The following DNAJC13 variants were observed in gnomAD, a reference collection of about 807,000 sequenced individuals.
DNAJC13 encodes dnaJ homolog subfamily C member 13.
In DNAJC13, 75 loss-of-function variants were observed where a neutral mutation model predicts 290.5. The ratio of observed to expected loss-of-function variants is 0.26; its 90% CI spans 0.21 to 0.31. The LOEUF (loss-of-function observed/expected upper bound fraction) is 0.31, where lower values mean the gene tolerates loss of function less well. DNAJC13 is among the 10% of genes least tolerant of loss of function. DNAJC13 has a pLI of 1.00. For synonymous variants in DNAJC13, 862 were observed against 892.0 expected (o/e 0.97, Z 0.60); for missense variants, 2,260 against 2,674.5 (o/e 0.85, Z 3.42).
At chr3:132,447,286 A>G (rs763561580) in intron 3 of DNAJC13, 35 bp from the exon 4 acceptor site, 3 of 1,484,688 alleles carry the variant, frequency 2.0e-6, no homozygotes, top group Middle Eastern at 1.8e-4. Context: ...TTACTGTATT[A>G]TAGTAGCACC....
At chr3:132,427,207 C>G (rs1939122412) in intron 1 of DNAJC13, among the ~76,000 whole-genome samples, 1 of 150,900 alleles carries the variant, frequency 6.6e-6, no homozygotes. Flanking sequence ...TGAGGGCTCG[C>G]TCACTGCAGC....
rs746826770 is a variant in DNAJC13 at position 132,467,391 on chromosome 3, A to G, written c.2208+78A>G. The G allele has an allele frequency of 2.9e-4, 414 of 1,439,946 alleles. 1 individual carries two copies. The highest frequency in any genetic ancestry group is 2.2e-4 in the Non-Finnish European group (228 of 1,052,084). 89.2% of individuals were successfully genotyped at this position (1,439,946 alleles called of 1,614,324 possible). On this transcript the variant is annotated intron_variant, in intron 20 of 55. Coordinates refer to ENST00000260818, the MANE Select transcript of DNAJC13 (RefSeq NM_015268.4). Reference sequence around the variant, plus strand: ...ACTTTAGTTCCTGCTGTTCACAGAGATGGTATCGATACATTTCTTGCTGAA... The same window carrying G: ...ACTTTAGTTCCTGCTGTTCACAGAGGTGGTATCGATACATTTCTTGCTGAA...
intron 50 of DNAJC13, 77 bp from the exon 51 acceptor site, chr3:132,523,463 C>A: frequency 6.8e-7 from 1 of 1,474,528 alleles, no homozygotes; most frequent in Non-Finnish European, 9.2e-7. Context: ...ACATTATAAA[C>A]AATTCTTTAA....
Position 132,503,235 on chromosome 3 carries a change from A to G in DNAJC13, c.4738A>G (p.Lys1580Glu). 6.2e-7 allele frequency: 1 copy of G among 1,613,966 alleles called. No individual in the cohort carries two copies. The highest frequency in any genetic ancestry group is 8.5e-7 in the Non-Finnish European group (1 of 1,179,894). ...NQQEVANSLA[K>E]LSVHALSRLG... is the part of the protein sequence containing the mutation. ...ACAGGAGGTAGCAAACAGCCTTGCCAAACTGAGTGTCCATGCTCTGAGTCG... is the reference window on the plus strand; with the variant it reads ...ACAGGAGGTAGCAAACAGCCTTGCCGAACTGAGTGTCCATGCTCTGAGTCG... Residue 1580 changes from lysine to glutamate, a missense_variant, in exon 41 of 56, where the codon AAA becomes GAA. By Grantham distance (56) the Lys-to-Glu change is moderately conservative. Coordinates refer to ENST00000260818, the MANE Select transcript of DNAJC13 (RefSeq NM_015268.4).
At chr3:132,507,424 C>A in intron 43 of DNAJC13, 71 bp downstream of exon 43, 1 of 886,002 alleles carries the variant, frequency 1.1e-6, no homozygotes, top group Non-Finnish European at 1.8e-6. Flanking sequence ...AGTTTATTCA[C>A]ACTTTATAGA....
At chr3:132,448,928 C>T (rs1933335659) in intron 5 of DNAJC13, among the ~76,000 whole-genome samples, 1 of 152,118 alleles carries the variant, frequency 6.6e-6, no homozygotes, top group South Asian at 2.1e-4. Flanking sequence ...TCTATATTGT[C>T]AGGTGACGTA....
intron 46 of DNAJC13, among the ~76,000 whole-genome samples, chr3:132,515,587 A>G (rs1935896064): frequency 6.6e-6 from 1 of 152,150 alleles, no homozygotes; most frequent in Non-Finnish European, 1.5e-5. Context: ...TGAGACTTCA[A>G]ACAATGTAAA....
intron 2 of DNAJC13, among the ~76,000 whole-genome samples, chr3:132,437,226 G>T (rs1298903894): frequency 5.3e-5 from 8 of 152,124 alleles, no homozygotes; most frequent in Non-Finnish European, 1.0e-4. Flanking sequence ...ACTGAATTGT[G>T]AGAGTTCTTT....
At chr3:132,514,525 C>G (rs1236843271) in intron 45 of DNAJC13, 46 bp from the exon 46 acceptor site, 1 of 1,449,588 alleles carries the variant, frequency 6.9e-7, no homozygotes, top group Admixed American at 1.9e-5. Context: ...GATTTAGGTT[C>G]AAAATTATTT....
At position 132,478,059 on chromosome 3, in the gene DNAJC13, C is replaced by A; in HGVS notation, c.2628C>A (p.Ala876=). 6.2e-7 allele frequency: 1 copy of A among 1,613,440 alleles called. No individual in the cohort carries two copies. The highest frequency in any genetic ancestry group is 8.5e-7 in the Non-Finnish European group (1 of 1,179,814). Residue 876 remains alanine, a synonymous_variant, in exon 24 of 56, where the codon GCC becomes GCA. Transcript: ENST00000260818. ...KVNMKCLCLQ[A]LAIVYGRCHE... is the part of the protein sequence containing the mutation. ...ACATGAAGTGTTTATGTTTACAAGC[C>A]CTTGCTATTGTTTATGGCAGATGTC...
At chr3:132,465,522 C>T (rs1933949807) in intron 17 of DNAJC13, among the ~76,000 whole-genome samples, 1 of 152,108 alleles carries the variant, frequency 6.6e-6, no homozygotes, top group South Asian at 2.1e-4. Context: ...TAGGTCTTTG[C>T]CCAAACTCTA....
chr3:132,484,444 T>C, intron 28 of DNAJC13, 144 bp from the exon 29 acceptor site: 1 of 686,470 alleles, frequency 1.5e-6, no homozygotes, highest in Non-Finnish European at 2.5e-6. Flanking sequence ...AAATACCTAA[T>C]CATGTTCCCA....
intron 13 of DNAJC13, 95 bp from the exon 14 acceptor site, chr3:132,460,155 A>C: frequency 1.4e-6 from 1 of 695,904 alleles, no homozygotes; most frequent in Non-Finnish European, 2.3e-6. Flanking sequence ...AATTCTTTCA[A>C]TGTGTAATGA....
intron 40 of DNAJC13, 137 bp from the exon 41 acceptor site, chr3:132,503,076 GT>G: frequency 1.2e-6 from 1 of 807,054 alleles, no homozygotes; most frequent in African/African-American, 1.7e-5. Context: ...TACCTCAGTG[GT>G]AGGTACTCTT....
At chr3:132,499,049 A>G (rs1935329237) in intron 36 of DNAJC13, 77 bp from the exon 37 acceptor site, 1 of 1,306,904 alleles carries the variant, frequency 7.7e-7, no homozygotes, top group Non-Finnish European at 1.1e-6. Context: ...CATATTCTTG[A>G]ACATGGTATC....
chr3:132,489,689 G>T (rs1316674159), intron 31 of DNAJC13, among the ~76,000 whole-genome samples: 2 of 151,900 alleles, frequency 1.3e-5, no homozygotes, highest in Non-Finnish European at 2.9e-5. Context: ...GACTAACCAA[G>T]GAATGTTGCA....
At chr3:132,463,552 T>G (rs1933877326) in intron 16 of DNAJC13, 144 bp from the exon 17 acceptor site, 1 of 847,610 alleles carries the variant, frequency 1.2e-6, no homozygotes, top group Non-Finnish European at 1.7e-6. Context: ...CTATTTTTTT[T>G]TGGGTGATTA....
rs1306433631 is a variant in DNAJC13, at chr3:132,457,273, C to T, written c.1354C>T (p.Arg452Cys). The change falls in exon 13 of 56, where the codon CGC becomes TGC. Residue 452 changes from arginine to cysteine, a missense_variant. By Grantham distance (180) the Arg-to-Cys change is radical (BLOSUM62 -3). Around this residue, in one of 3 missense-constraint regions of DNAJC13, gnomAD observed 762 missense variants for 964.1 expected, o/e 0.79. Transcript: ENST00000260818. ...GCTTGTTTTTTGTTCCAAAAGGTTT[C>T]GCGAGCGTCTAGGGGTGAAGGTAGT... ...FLAFTQLPKF[R>C]ERLGVKVVKA... The T allele has an allele frequency of 4.4e-6, 7 of 1,597,268 alleles. No homozygotes were observed. The highest frequency in any genetic ancestry group is 1.4e-5 in the African/African-American group (1 of 73,858).
intron 40 of DNAJC13, 77 bp from the exon 41 acceptor site, chr3:132,503,137 T>G: frequency 3.4e-6 from 5 of 1,463,196 alleles, no homozygotes; most frequent in Non-Finnish European, 4.7e-6. Context: ...TTCCATATAG[T>G]GTGATTCTGT....
Sources: allele counts gnomAD v4.1 joint callset (sites outside exome capture counted in the v4.1 genomes callset), GRCh38; gene constraint gnomAD v4.1.1; regional missense constraint gnomAD v4.1.1; transcripts MANE v1.5; gene names NCBI Gene and HGNC (gene_info 2026-07-23, HGNC 2026-07-21).